The following CSMD1 variants were observed in gnomAD, a reference collection of about 807,000 sequenced individuals.
CSMD1 encodes the protein CUB and Sushi multiple domains 1, also known as CUB and sushi domain-containing protein 1.
A neutral mutation model predicts 417.5 loss-of-function variants in CSMD1; 213 were observed. That is an observed-to-expected ratio of 0.51 (90% CI 0.46 to 0.57). The LOEUF (loss-of-function observed/expected upper bound fraction) is 0.57, where lower values mean the gene tolerates loss of function less well. Among genes scored for constraint, CSMD1 ranks in the 20% least tolerant of loss-of-function variants. The probability of loss-of-function intolerance (pLI) is 0.00; values close to 1 mark genes in which losing one functional copy is unlikely to be tolerated. For missense variants in CSMD1, 6,923 were observed against 4,529.7 expected (o/e 1.53, Z -15.17); for synonymous variants, 2,862 against 1,736.8 (o/e 1.65, Z -16.11).
chr8:3,037,241 T>A (rs1810746187), intron 50 of CSMD1, among the ~76,000 whole-genome samples: 1 of 137,960 alleles, frequency 7.2e-6, no homozygotes, highest in African/African-American at 2.5e-5. Flanking sequence ...AGTCTCGCTC[T>A]GTGGCCCAGG....
In CSMD1 at chr8:4,710,206, C is replaced by T. The variant is rs553067994; in HGVS notation, c.86-72648G>A. ...ACCAACACAAGATAAAATATATATA[C>T]GTATCTTCAGTGTGCTCTTATTCAA... On this transcript the variant is annotated intron_variant, in intron 1 of 69. Coordinates refer to ENST00000635120, the MANE Select transcript of CSMD1 (RefSeq NM_033225.6). Among the ~76,000 whole-genome samples the T allele has an allele frequency of 1.1e-3, 165 of 151,916 alleles. 6 individuals carry two copies. The South Asian group carries it at 0.031, about 28-fold the overall frequency.
intron 5 of CSMD1, among the ~76,000 whole-genome samples, chr8:3,765,005 A>G (rs1798195179): frequency 6.6e-6 from 1 of 151,928 alleles, no homozygotes; most frequent in Admixed American, 6.6e-5. Context: ...TCGGCCTCCC[A>G]AAGTTCTGGG....
At chr8:3,846,830 C>T (rs566644500) in intron 5 of CSMD1, among the ~76,000 whole-genome samples, 25 of 152,186 alleles carry the variant, frequency 1.6e-4, no homozygotes, top group East Asian at 5.8e-4. Context: ...CCTGCCACCA[C>T]GTCTGGCTAA....
chr8:4,577,621 T>G (rs1402410074), intron 2 of CSMD1, among the ~76,000 whole-genome samples: 2 of 152,172 alleles, frequency 1.3e-5, no homozygotes, highest in East Asian at 3.9e-4. Context: ...CAGGTAAGTC[T>G]TACTCTTCAC....
chr8:2,946,307 T>A (rs1802230244), intron 68 of CSMD1, among the ~76,000 whole-genome samples: 1 of 152,054 alleles, frequency 6.6e-6, no homozygotes, highest in Non-Finnish European at 1.5e-5. Flanking sequence ...TTTCATAGGG[T>A]GGTGCAATCA....
intron 3 of CSMD1, among the ~76,000 whole-genome samples, chr8:4,351,145 C>G (rs964455789): frequency 7.9e-5 from 12 of 151,238 alleles, no homozygotes; most frequent in African/African-American, 2.4e-4. Context: ...ATAGCAAGGT[C>G]CCATCTCTAA....
intron 1 of CSMD1, among the ~76,000 whole-genome samples, chr8:4,799,915 T>C (rs929164899): frequency 6.6e-6 from 1 of 152,130 alleles, no homozygotes; most frequent in Admixed American, 6.5e-5. Flanking sequence ...GAACTATGCA[T>C]GCAGCTTTCG....
Position 2,974,559 on chromosome 8 carries a change from C to G in CSMD1, c.8632G>C (p.Gly2878Arg). The G allele has an allele frequency of 6.2e-7, 1 of 1,613,126 alleles. No homozygotes were observed. Among genetic ancestry groups the G allele is most frequent in the Non-Finnish European group, 8.5e-7 (1 of 1,179,530 alleles). The change falls in exon 56 of 70, where the codon GGC becomes CGC. Residue 2878 changes from glycine (G) to arginine (R), a missense_variant. Transcript: ENST00000635120. The stretch of plus-strand genomic sequence containing the variant: ...CTGCAGGAGTAGTGCACGACGGCGC[C>G]ATAGGTAAACAGCTCTCCAGTGAGG... Reference protein sequence around the residue: ...AVLTGELFTYGAVVHYSCRGS... With the variant: ...AVLTGELFTYRAVVHYSCRGS...
chr8:4,701,551 C>T (rs1471946603), intron 1 of CSMD1, among the ~76,000 whole-genome samples: 4 of 152,094 alleles, frequency 2.6e-5, no homozygotes, highest in East Asian at 3.9e-4. Flanking sequence ...TGGGAGGGAG[C>T]AATACAGTAC....
intron 1 of CSMD1, among the ~76,000 whole-genome samples, chr8:4,740,053 A>T (rs1810507177): frequency 6.6e-6 from 1 of 151,954 alleles, no homozygotes. Flanking sequence ...CAGCTCTGGG[A>T]ATGATCTCTG....
chr8:3,594,268 A>C (rs1052361784), intron 8 of CSMD1, among the ~76,000 whole-genome samples: 1 of 152,194 alleles, frequency 6.6e-6, no homozygotes, highest in African/African-American at 2.4e-5. Flanking sequence ...TACTTCATCA[A>C]ACAGCTCTTG....
chr8:4,337,267 C>G (rs1206536255), intron 3 of CSMD1, among the ~76,000 whole-genome samples: 4 of 152,202 alleles, frequency 2.6e-5, no homozygotes, highest in Non-Finnish European at 5.9e-5. Context: ...ATCATGGCAA[C>G]TAAATGCTTA....
chr8:4,693,012 C>T (rs763794935), intron 1 of CSMD1, among the ~76,000 whole-genome samples: 1 of 152,144 alleles, frequency 6.6e-6, no homozygotes, highest in Admixed American at 6.5e-5. Context: ...CATGGGAAAA[C>T]GTCAACTCCT....
chr8:3,459,681 G>A (rs149721267), intron 12 of CSMD1, among the ~76,000 whole-genome samples: 10 of 152,160 alleles, frequency 6.6e-5, no homozygotes, highest in South Asian at 2.1e-4. Flanking sequence ...AGAGGGCACC[G>A]GATATACTTC....
intron 1 of CSMD1, among the ~76,000 whole-genome samples, chr8:4,900,767 T>A (rs1480974242): frequency 6.6e-6 from 1 of 152,208 alleles, no homozygotes; most frequent in Non-Finnish European, 1.5e-5. Flanking sequence ...CAGAATCACA[T>A]TCTCTCAACA....
intron 5 of CSMD1, among the ~76,000 whole-genome samples, chr8:3,902,588 A>C (rs2627423): frequency 0.093 from 14,105 of 151,962 alleles, 1,320 homozygotes; most frequent in African/African-American, 0.24. Context: ...AGGGTTCACG[A>C]TCCTATGAAA....
At chr8:4,039,904 TAGAAAG>T (rs1797800020) in intron 3 of CSMD1, among the ~76,000 whole-genome samples, 1 of 152,176 alleles carries the variant, frequency 6.6e-6, no homozygotes, top group Admixed American at 6.5e-5. Context: ...TTCTACATCT[TAGAAAG>T]GGGAATGAAA....
At chr8:3,191,007 T>G (rs891043325) in intron 33 of CSMD1, among the ~76,000 whole-genome samples, 2 of 152,102 alleles carry the variant, frequency 1.3e-5, no homozygotes, top group Admixed American at 1.3e-4. Context: ...GGCTATAAAG[T>G]TTCACTTACA....
intron 33 of CSMD1, among the ~76,000 whole-genome samples, chr8:3,197,769 T>C (rs1346673141): frequency 1.3e-5 from 2 of 152,188 alleles, no homozygotes; most frequent in Admixed American, 6.5e-5. Context: ...CGGCTTCAAA[T>C]ACTTTTTAGG....
Sources: allele counts gnomAD v4.1 joint callset (sites outside exome capture counted in the v4.1 genomes callset), GRCh38; gene constraint gnomAD v4.1.1; transcripts MANE v1.5; gene names NCBI Gene and HGNC (gene_info 2026-07-23, HGNC 2026-07-21).